Variants in CCDC117 observed in about 807,000 individuals in gnomAD.
CCDC117 encodes coiled-coil domain containing 117.
In CCDC117, 1 loss-of-function variant was observed where a neutral mutation model predicts 23.5. The observed-to-expected ratio is 0.04, with a 90% CI of 0.02 to 0.20. The LOEUF (loss-of-function observed/expected upper bound fraction) is 0.20. Ranked by LOEUF, CCDC117 falls within the 10% of genes least tolerant of loss-of-function variation. CCDC117 has a pLI of 1.00. For synonymous variants in CCDC117, 132 were observed against 124.8 expected, an observed-to-expected ratio of 1.06 and a Z score of -0.39; for missense variants, 383 against 348.2, an observed-to-expected ratio of 1.10 and a Z score of -0.80.
In CCDC117 at chr22:28,786,381, A is replaced by G; in HGVS notation, c.*55A>G. On this transcript the variant is annotated 3_prime_UTR_variant, in exon 5 of 5. Coordinates refer to ENST00000249064, the MANE Select transcript of CCDC117 (RefSeq NM_173510.4). ...TGTTAGAAGAATCCTGTGTTCAGTT[A>G]TGAGACTCTTTGCATAGTATAGGGA... The G allele has an allele frequency of 5.4e-6, 7 of 1,287,058 alleles. No homozygotes were observed. In the Middle Eastern group the frequency reaches 7.6e-4, roughly 139 times the overall value. 79.7% of individuals were successfully genotyped at this position (1,287,058 alleles called of 1,614,324 possible).
chr22:28,772,876 C>T lies in CCDC117; in HGVS notation c.27C>T (p.Ser9=). 3 of 1,235,854 alleles carry T rather than the reference C, an allele frequency of 2.4e-6. No individual in the cohort carries two copies. Among genetic ancestry groups the T allele is most frequent in the South Asian group, 7.1e-5 (2 of 28,124 alleles). The allele number at this position is 1,235,854 out of a possible 1,614,324, so 76.6% of individuals were successfully genotyped here. A position where few individuals can be genotyped will look rare whatever the true frequency, so the allele number is the denominator to read the frequency against. ...TGGCTGCGCTCGGCCGGCCCTTCAG[C>T]GGCCTCCCTCTGAGCGGCGGCTCGG... is the stretch of plus-strand genomic sequence containing the variant. MAALGRPF[S]GLPLSGGSDF... is the part of the protein sequence containing the mutation. Residue 9 remains serine (S), a synonymous_variant, in exon 1 of 5, where the codon AGC becomes AGT. Coordinates refer to ENST00000249064, the MANE Select transcript of CCDC117 (RefSeq NM_173510.4).
chr22:28,786,019 C>A, intron 4 of CCDC117, 70 bp from the exon 5 acceptor site: 1 of 1,123,890 alleles, frequency 8.9e-7, no homozygotes, highest in Non-Finnish European at 1.3e-6. Flanking sequence ...GTAATGTTGG[C>A]TTTTCAACCT....
rs761009679 is a variant in CCDC117 at position 28,786,256 on chromosome 22, G to A, written c.770G>A (p.Arg257Gln). The change falls in exon 5 of 5, where the codon CGG becomes CAG. Residue 257 changes from arginine to glutamine, a missense_variant. Arg to Gln is a conservative substitution (Grantham distance 43). Transcript: ENST00000249064. ...PQRTELFSEP[R>Q]PTGMSLYNSL... ...AGAACTGAACTGTTTTCGGAACCTC[G>A]GCCAACAGGGATGTCTCTTTATAAT... The A allele has an allele frequency of 3.4e-5, 55 of 1,613,930 alleles. No homozygotes were observed. Among genetic ancestry groups the A allele is most frequent in the Admixed American group, 2.0e-4 (12 of 59,984 alleles).
rs1358011091 is a variant in CCDC117, at chr22:28,786,933, T to G, written c.*607T>G. ...GCTCTCCTCTTTGACTATGAAAATA[T>G]AGAGAAAGTTTTTTCTTTAAGGCTT... On this transcript the variant is annotated 3_prime_UTR_variant, in exon 5 of 5. Transcript: ENST00000249064. 2 of 152,670 alleles carry G rather than the reference T, an allele frequency of 1.3e-5. No individual in the cohort carries two copies. Among genetic ancestry groups the G allele is most frequent in the African/African-American group, 4.8e-5 (2 of 41,458 alleles). 9.5% of individuals were successfully genotyped at this position (152,670 alleles called of 1,614,324 possible).
At chr22:28,778,978 T>C (rs1018902139) in intron 2 of CCDC117, among the ~76,000 whole-genome samples, 2 of 152,070 alleles carry the variant, frequency 1.3e-5, no homozygotes, top group Non-Finnish European at 2.9e-5. Context: ...TGTGGGGAAA[T>C]TACCTGTTCC....
chr22:28,777,119 A>G (rs2031187263), intron 2 of CCDC117, among the ~76,000 whole-genome samples: 2 of 147,406 alleles, frequency 1.4e-5, no homozygotes, highest in Non-Finnish European at 3.0e-5. Context: ...CCTCGGCACA[A>G]CCTCTGCCTC....
chr22:28,773,085 G>T (rs941949351), intron 1 of CCDC117, 51 bp downstream of exon 1: 18 of 941,776 alleles, frequency 1.9e-5, no homozygotes, highest in Non-Finnish European at 2.3e-5. Context: ...GGGCGGGCAG[G>T]CTGGGCGCCC....
intron 1 of CCDC117, 99 bp downstream of exon 1, chr22:28,773,133 C>T (rs1483032391): frequency 3.3e-5 from 17 of 519,914 alleles, no homozygotes; most frequent in Non-Finnish European, 4.0e-5. Flanking sequence ...GGCTCCGCGC[C>T]GGGGCTTTTT....
chr22:28,786,644 A>C lies in CCDC117; in HGVS notation c.*318A>C, dbSNP rs2031519920. 8.5e-6 allele frequency: 2 copies of C among 236,508 alleles called. No individual in the cohort carries two copies. The highest frequency in any genetic ancestry group is 1.7e-5 in the Non-Finnish European group (2 of 119,976). 14.7% of individuals were successfully genotyped at this position (236,508 alleles called of 1,614,324 possible). ...AATCATATGTCACATTGTCTAAACT[A>C]TTCAGACACTTGGAGAATATTCTCC... On this transcript the variant is annotated 3_prime_UTR_variant, in exon 5 of 5. Coordinates refer to ENST00000249064, the MANE Select transcript of CCDC117 (RefSeq NM_173510.4).
intron 2 of CCDC117, among the ~76,000 whole-genome samples, chr22:28,775,441 G>A (rs571958117): frequency 1.4e-3 from 214 of 152,206 alleles, no homozygotes; most frequent in Non-Finnish European, 2.5e-3. Flanking sequence ...TTTCCTTGAC[G>A]TGGAATTGCT....
chr22:28,779,359 C>T (rs1213687519), intron 2 of CCDC117, among the ~76,000 whole-genome samples: 5 of 151,232 alleles, frequency 3.3e-5, no homozygotes, highest in Admixed American at 1.3e-4. Context: ...CGTGCCACTG[C>T]GCCCAGCTTT....
chr22:28,785,996 C>T, intron 4 of CCDC117, 93 bp from the exon 5 acceptor site: 2 of 813,950 alleles, frequency 2.5e-6, no homozygotes, highest in Non-Finnish European at 2.0e-6. Context: ...ATCATCAGTC[C>T]TTAAGATACT....
intron 2 of CCDC117, among the ~76,000 whole-genome samples, chr22:28,774,342 C>T (rs1343232387): frequency 6.7e-6 from 1 of 150,142 alleles, no homozygotes; most frequent in Non-Finnish European, 1.5e-5. Flanking sequence ...GCTGAGATTA[C>T]AGGCCTGAGC....
chr22:28,777,955 A>G (rs1016142337), intron 2 of CCDC117, among the ~76,000 whole-genome samples: 3 of 151,956 alleles, frequency 2.0e-5, no homozygotes, highest in South Asian at 2.1e-4. Flanking sequence ...GGTTCAAGCA[A>G]TTCTCTCAGC....
intron 2 of CCDC117, among the ~76,000 whole-genome samples, chr22:28,775,956 C>T (rs979903546): frequency 2.0e-5 from 3 of 152,118 alleles, no homozygotes; most frequent in Non-Finnish European, 2.9e-5. Flanking sequence ...AATAAAAAAG[C>T]GTTCAACCTC....
chr22:28,773,701 A>T, intron 1 of CCDC117, 24 bp from the exon 2 acceptor site: 3 of 1,600,346 alleles, frequency 1.9e-6, no homozygotes, highest in Non-Finnish European at 1.7e-6. Flanking sequence ...TTCTTAATTG[A>T]CTGATTTTTG....
chr22:28,775,525 G>A (rs530977845), intron 2 of CCDC117, among the ~76,000 whole-genome samples: 2 of 152,256 alleles, frequency 1.3e-5, no homozygotes, highest in African/African-American at 4.8e-5. Flanking sequence ...AACATCCTCT[G>A]AACACAAGTG....
At chr22:28,783,263 A>T (rs2031408001) in intron 3 of CCDC117, among the ~76,000 whole-genome samples, 1 of 149,192 alleles carries the variant, frequency 6.7e-6, no homozygotes, top group Non-Finnish European at 1.5e-5. Context: ...CTCTTCTCGA[A>T]CTCCTAACCT....
intron 2 of CCDC117, among the ~76,000 whole-genome samples, chr22:28,778,479 G>A (rs556476076): frequency 3.9e-5 from 6 of 152,082 alleles, no homozygotes; most frequent in South Asian, 4.2e-4. Flanking sequence ...GTGGTGGTGC[G>A]CACCTGTAGT....
Sources: allele counts gnomAD v4.1 joint callset (sites outside exome capture counted in the v4.1 genomes callset), GRCh38; gene constraint gnomAD v4.1.1; transcripts MANE v1.5; gene names NCBI Gene and HGNC (gene_info 2026-07-23, HGNC 2026-07-21).